Variants in MED12L observed in about 807,000 individuals in gnomAD.
MED12L encodes the protein mediator complex subunit 12L.
A neutral mutation model predicts 281.3 loss-of-function variants in MED12L; 60 were observed. The observed-to-expected ratio is 0.21, with a 90% CI of 0.17 to 0.26. The LOEUF (loss-of-function observed/expected upper bound fraction) is 0.26. Ranked by LOEUF, MED12L falls within the 10% of genes least tolerant of loss-of-function variation. The pLI is 1.00. For missense variants in MED12L, 2,146 were observed against 2,680.9 expected (o/e 0.80, Z 4.41); for synonymous variants, 974 against 987.2 (o/e 0.99, Z 0.25).
At chr3:151,280,539 G>A (rs1035270923) in intron 16 of MED12L, among the ~76,000 whole-genome samples, 4 of 152,046 alleles carry the variant, frequency 2.6e-5, no homozygotes, top group African/African-American at 9.7e-5. Context: ...TCATTTGTTG[G>A]TGTCTAAATC....
intron 7 of MED12L, 88 bp downstream of exon 7, chr3:151,158,887 GA>G: frequency 3.6e-6 from 3 of 839,988 alleles, no homozygotes; most frequent in South Asian, 3.1e-5. Flanking sequence ...AGAGGAAAAG[GA>G]AAAAATATCC....
At chr3:151,198,992 T>G in intron 16 of MED12L, 1 of 1,614,116 alleles carries the variant, frequency 6.2e-7, no homozygotes, top group Non-Finnish European at 8.5e-7. Flanking sequence ...TGATATCATT[T>G]TGGCAAATCC....
chr3:151,129,425 G>T (rs1715028352), intron 5 of MED12L, among the ~76,000 whole-genome samples: 1 of 152,022 alleles, frequency 6.6e-6, no homozygotes, highest in Non-Finnish European at 1.5e-5. Flanking sequence ...CAAGTTAACA[G>T]TGATGGCCTC....
At chr3:151,343,436 A>G (rs919028745) in intron 16 of MED12L, among the ~76,000 whole-genome samples, 8 of 152,194 alleles carry the variant, frequency 5.3e-5, no homozygotes, top group African/African-American at 1.7e-4. Flanking sequence ...TTAACTCACA[A>G]CCACATACCT....
At chr3:151,149,699 TA>T (rs1420395842) in intron 5 of MED12L, among the ~76,000 whole-genome samples, 2 of 152,240 alleles carry the variant, frequency 1.3e-5, no homozygotes, top group African/African-American at 2.4e-5. Context: ...GGTAACATTT[TA>T]CAAAATTGGA....
At chr3:151,316,679 C>T (rs959860057) in intron 16 of MED12L, 4 of 152,130 alleles carry the variant, frequency 2.6e-5, no homozygotes, top group African/African-American at 9.7e-5. Flanking sequence ...AGCTTTGAAA[C>T]TAAGGTCGGC....
chr3:151,408,343 C>A (rs752954844), intron 39 of MED12L, among the ~76,000 whole-genome samples: 1 of 152,172 alleles, frequency 6.6e-6, no homozygotes. Flanking sequence ...GCTAGAAATA[C>A]CTACACTACT....
At chr3:151,194,167 A>G (rs554115428) in intron 16 of MED12L, among the ~76,000 whole-genome samples, 2 of 152,006 alleles carry the variant, frequency 1.3e-5, no homozygotes, top group East Asian at 3.9e-4. Flanking sequence ...GGTTTTCACC[A>G]TTTTGGGCAG....
rs559120342 is a variant in MED12L, at chr3:151,159,704, G to A, written c.838-128G>A. The A allele has an allele frequency of 6.0e-6, 5 of 828,642 alleles. No individual in the cohort carries two copies. In the East Asian group the frequency reaches 1.2e-4, roughly 21 times the overall value. 51.3% of individuals were successfully genotyped at this position (828,642 alleles called of 1,614,324 possible). On this transcript the variant is annotated intron_variant, in intron 7 of 44. Transcript: ENST00000687756. ...TGTGGCTCACATTCTATTTCTATTG[G>A]ACAGCACTTGCTTTATACCTTTGAA...
chr3:151,434,890 A>AT lies in MED12L; in HGVS notation c.*2087dup, dbSNP rs1329361504. On this transcript the variant is annotated 3_prime_UTR_variant, in exon 45 of 45. Coordinates refer to ENST00000687756, the MANE Select transcript of MED12L (RefSeq NM_001393769.1). Reference sequence around the variant, plus strand: ...ATTTTGCACATGAAAGCTGTGGGGCATATCTTTTTTCTTTTTTTAGGTGAG... The same window carrying AT: ...ATTTTGCACATGAAAGCTGTGGGGCATTATCTTTTTTCTTTTTTTAGGTGAG... The AT allele has an allele frequency of 6.6e-6, 1 of 152,182 alleles. No individual in the cohort carries two copies. Among genetic ancestry groups the AT allele is most frequent in the Admixed American group, 6.5e-5 (1 of 15,278 alleles). The allele number at this position is 152,182 out of a possible 1,614,324, so 9.4% of individuals were successfully genotyped here.
At position 151,251,013 on chromosome 3, in the gene MED12L, G is replaced by C. The variant is rs376458169; in HGVS notation, c.2250+57347G>C. 1.1e-4 allele frequency among the ~76,000 whole-genome samples: 16 copies of C among 152,178 alleles called. No individual in the cohort carries two copies. In the East Asian group the frequency reaches 1.5e-3, roughly 15 times the overall value. On this transcript the variant is annotated intron_variant, in intron 16 of 44. Transcript: ENST00000687756. ...ATGAGGCATTAAGGCAGCTTTTGAT[G>C]ATGATTCTCTCTGTGGTACTTTGGC...
chr3:151,096,656 T>G (rs1720755375), intron 2 of MED12L, among the ~76,000 whole-genome samples: 2 of 151,892 alleles, frequency 1.3e-5, no homozygotes, highest in African/African-American at 4.8e-5. Context: ...TCTGCTATTT[T>G]GGGGGGGGAA....
chr3:151,187,081 G>A (rs530387229), intron 12 of MED12L, among the ~76,000 whole-genome samples: 86 of 152,288 alleles, frequency 5.6e-4, no homozygotes, highest in African/African-American at 2.0e-3. Context: ...AAAAACGAAA[G>A]ATCATATTGT....
intron 16 of MED12L, among the ~76,000 whole-genome samples, chr3:151,336,069 G>A (rs1750939104): frequency 6.6e-6 from 1 of 152,180 alleles, no homozygotes; most frequent in East Asian, 1.9e-4. Context: ...AATGGGTGGA[G>A]GGATGAGTCT....
chr3:151,414,294 C>G (rs1020742759), intron 42 of MED12L, among the ~76,000 whole-genome samples: 7 of 152,010 alleles, frequency 4.6e-5, no homozygotes, highest in Non-Finnish European at 1.0e-4. Flanking sequence ...ACAGTGGGCT[C>G]TAATCTTATC....
At chr3:151,399,716 G>C (rs562715049) in intron 39 of MED12L, among the ~76,000 whole-genome samples, 14 of 152,108 alleles carry the variant, frequency 9.2e-5, no homozygotes, top group African/African-American at 3.1e-4. Context: ...CTTATACTCG[G>C]TATTTTTCTT....
intron 16 of MED12L, among the ~76,000 whole-genome samples, chr3:151,267,869 C>T (rs1392526081): frequency 6.6e-6 from 1 of 152,130 alleles, no homozygotes; most frequent in Non-Finnish European, 1.5e-5. Context: ...TGTCAAAATA[C>T]AGTGTTTGAG....
At chr3:151,176,080 G>C (rs983327406) in intron 11 of MED12L, among the ~76,000 whole-genome samples, 1 of 152,158 alleles carries the variant, frequency 6.6e-6, no homozygotes, top group Non-Finnish European at 1.5e-5. Flanking sequence ...TCAGCCCACA[G>C]TGTGGACCCC....
chr3:151,193,636 ACAGTATG>A lies in MED12L; in HGVS notation c.2223_2229del (p.Tyr742HisfsTer36), dbSNP rs1724264053. ...CTAATTATGACCTCCTTCGCCACTT[ACAGTATG>A]CAACACATTTTCCTATACCTCTGGT... On this transcript the variant is annotated frameshift_variant, in exon 16 of 45. Coordinates refer to ENST00000687756, the MANE Select transcript of MED12L (RefSeq NM_001393769.1). LOFTEE classifies it high-confidence loss of function. 1 of 1,613,954 alleles carries A rather than the reference ACAGTATG, an allele frequency of 6.2e-7. No homozygotes were observed.
Sources: gnomAD v4.1 joint callset for allele counts (sites outside exome capture counted in the v4.1 genomes callset) on GRCh38, gnomAD v4.1.1 for gene constraint, MANE v1.5 for transcripts, NCBI Gene and HGNC (gene_info 2026-07-23, HGNC 2026-07-21) for gene names.